The following CXADR variants were observed in gnomAD, a reference collection of about 807,000 sequenced individuals.
CXADR encodes the protein coxsackievirus and adenovirus receptor.
A neutral mutation model predicts 40.3 loss-of-function variants in CXADR; 20 were observed. That is an observed-to-expected ratio of 0.50 (90% CI 0.35 to 0.72). The LOEUF is 0.72. Ranked by LOEUF, CXADR falls within the 30% of genes least tolerant of loss-of-function variation. CXADR has a pLI of 0.01. For synonymous variants in CXADR, 150 were observed against 161.3 expected (o/e 0.93, Z 0.53); for missense variants, 332 against 449.1 (o/e 0.74, Z 2.36).
intron 7 of CXADR, among the ~76,000 whole-genome samples, chr21:17,578,428 C>G (rs1460712173): frequency 1.3e-5 from 2 of 151,990 alleles, no homozygotes; most frequent in African/African-American, 4.8e-5. Context: ...AAGTCAGCGC[C>G]CTGGGGCACG....
chr21:17,633,716 C>T, the CXADR span, among the ~76,000 whole-genome samples: 1 of 152,324 alleles, frequency 6.6e-6, no homozygotes, highest in East Asian at 1.9e-4. Flanking sequence ...CCATCTCTCT[C>T]AGAGCCCAGA....
chr21:17,534,972 A>G (rs1361021819), intron 1 of CXADR, among the ~76,000 whole-genome samples: 1 of 151,714 alleles, frequency 6.6e-6, no homozygotes, highest in Admixed American at 6.6e-5. Context: ...TTTAGTAGAG[A>G]TGGGGTTTCA....
the CXADR span, chr21:17,609,100 T>A: frequency 1.9e-6 from 3 of 1,613,712 alleles, no homozygotes; most frequent in African/African-American, 2.7e-5. Context: ...GTTTTCGAAC[T>A]AGCCTTGTGA....
the CXADR span, among the ~76,000 whole-genome samples, chr21:17,599,349 T>A: frequency 2.6e-5 from 4 of 152,098 alleles, no homozygotes; most frequent in African/African-American, 9.7e-5. Context: ...CTCAGCTAAT[T>A]TATATACATT....
chr21:17,607,446 A>C, the CXADR span, among the ~76,000 whole-genome samples: 3 of 152,360 alleles, frequency 2.0e-5, no homozygotes, highest in South Asian at 6.2e-4. Flanking sequence ...AGCCTGTGTT[A>C]GCGTGCACAT....
exon 8 of CXADR, chr21:17,593,362 T>A: frequency 1.8e-6 from 1 of 552,408 alleles, no homozygotes; most frequent in Non-Finnish European, 2.8e-6. Context: ...AGATGTCATG[T>A]CAAAATTAGT....
intron 3 of CXADR, among the ~76,000 whole-genome samples, chr21:17,555,248 A>G (rs1186487407): frequency 6.6e-6 from 1 of 152,172 alleles, no homozygotes; most frequent in East Asian, 1.9e-4. Context: ...CTGGACATAT[A>G]TGGTATACTC....
At chr21:17,581,188 T>C (rs1009980087) in intron 7 of CXADR, among the ~76,000 whole-genome samples, 12 of 152,228 alleles carry the variant, frequency 7.9e-5, no homozygotes, top group African/African-American at 2.7e-4. Context: ...CTATAACGTA[T>C]ATAATCAGTT....
Position 17,568,570 on chromosome 21 carries a change from T to A in CXADR, c.*2878T>A. On this transcript the variant is annotated 3_prime_UTR_variant, in exon 7 of 7. Transcript: ENST00000284878. ...TATAGTTCTGTACTTTTTTTTTTTT[T>A]TTTTAAGAGATAGGGTTTCACTATT... 1.0e-6 allele frequency: 1 copy of A among 979,748 alleles called. No individual in the cohort carries two copies. Among genetic ancestry groups the A allele is most frequent in the Non-Finnish European group, 1.2e-6 (1 of 825,316 alleles). The allele number at this position is 979,748 out of a possible 1,614,324, so 60.7% of individuals were successfully genotyped here.
chr21:17,546,522 G>A (rs1447533923), intron 1 of CXADR, among the ~76,000 whole-genome samples: 1 of 152,192 alleles, frequency 6.6e-6, no homozygotes, highest in Admixed American at 6.5e-5. Context: ...AGCAGAGAAG[G>A]GGGAGGTGCT....
At chr21:17,556,493 G>A (rs549425034) in intron 3 of CXADR, among the ~76,000 whole-genome samples, 33 of 152,274 alleles carry the variant, frequency 2.2e-4, no homozygotes, top group Middle Eastern at 3.4e-3. Context: ...AAGGATGAGC[G>A]TTAGAGTTAG....
chr21:17,609,031 A>C, the CXADR span: 1 of 1,613,788 alleles, frequency 6.2e-7, no homozygotes, highest in Non-Finnish European at 8.5e-7. Flanking sequence ...ATTTTTCTTG[A>C]AGTATTAGGG....
Position 17,569,964 on chromosome 21 carries a change from T to C in CXADR, c.*4272T>C. On this transcript the variant is annotated 3_prime_UTR_variant, in exon 7 of 7. Coordinates refer to ENST00000284878, the MANE Select transcript of CXADR (RefSeq NM_001338.5). ...TAGAACTGACAGTGTCAGTTTCAGA[T>C]TTTGTATGTACGATTTCTGGCTTAT... The C allele has an allele frequency of 1.0e-6, 1 of 985,440 alleles. No homozygotes were observed. Among genetic ancestry groups the C allele is most frequent in the Non-Finnish European group, 1.2e-6 (1 of 829,928 alleles). 61.0% of individuals were successfully genotyped at this position (985,440 alleles called of 1,614,324 possible). A position where few individuals can be genotyped will look rare whatever the true frequency, so the allele number is the denominator to read the frequency against.
chr21:17,527,043 A>C (rs2060606270), intron 1 of CXADR: 1 of 152,184 alleles, frequency 6.6e-6, no homozygotes, highest in Admixed American at 6.5e-5. Flanking sequence ...CCCTATTTGC[A>C]TTTATTTTGC....
intron 6 of CXADR, among the ~76,000 whole-genome samples, chr21:17,563,454 AAC>A (rs1230177015): frequency 6.6e-6 from 1 of 152,036 alleles, no homozygotes; most frequent in Admixed American, 6.6e-5. Context: ...GGATGGCCAG[AAC>A]ACACACAACA....
Position 17,590,846 on chromosome 21 carries a change from T to C in CXADR, c.1018-2306T>C, listed in dbSNP as rs536029845. Among the ~76,000 whole-genome samples, 43 of 152,182 alleles carry C rather than the reference T, an allele frequency of 2.8e-4. No individual in the cohort carries two copies. In the South Asian group the frequency reaches 6.4e-3, roughly 23 times the overall value. Reference sequence around the variant, plus strand: ...CATTGGTACAGTTTGCTTTGTCATCTCAGTCTTCACTCTACTGGGTTGTAC... The same window carrying C: ...CATTGGTACAGTTTGCTTTGTCATCCCAGTCTTCACTCTACTGGGTTGTAC... On this transcript the variant is annotated intron_variant, in intron 7 of 7. Transcript: ENST00000400169.
At position 17,566,115 on chromosome 21, in the gene CXADR, C is replaced by A. The variant is rs572461506; in HGVS notation, c.*423C>A. On this transcript the variant is annotated 3_prime_UTR_variant, in exon 7 of 7. Coordinates refer to ENST00000284878, the MANE Select transcript of CXADR (RefSeq NM_001338.5). ...GGATGTGTATTTCATTTATTTATGGCCCACCAGTCTCCCCCAAATTAGTAC... is the reference window on the plus strand; with the variant it reads ...GGATGTGTATTTCATTTATTTATGGACCACCAGTCTCCCCCAAATTAGTAC... 1.4e-4 allele frequency: 133 copies of A among 982,644 alleles called. No individual in the cohort carries two copies. Among genetic ancestry groups the A allele is most frequent in the Non-Finnish European group, 1.5e-4 (128 of 827,254 alleles). 60.9% of individuals were successfully genotyped at this position (982,644 alleles called of 1,614,324 possible).
At chr21:17,586,740 T>G (rs149966905) in intron 7 of CXADR, among the ~76,000 whole-genome samples, 98 of 152,284 alleles carry the variant, frequency 6.4e-4, no homozygotes, top group African/African-American at 2.2e-3. Flanking sequence ...TTTTTAAAAT[T>G]TTTTATTATT....
chr21:17,516,314 C>G (rs913744756), intron 1 of CXADR, among the ~76,000 whole-genome samples: 7 of 152,198 alleles, frequency 4.6e-5, no homozygotes, highest in African/African-American at 9.6e-5. Flanking sequence ...CAGCCACTTT[C>G]TCTTACTACC....
Sources: gnomAD v4.1 joint callset for allele counts (sites outside exome capture counted in the v4.1 genomes callset) on GRCh38, gnomAD v4.1.1 for gene constraint, MANE v1.5 for transcripts, NCBI Gene and HGNC (gene_info 2026-07-23, HGNC 2026-07-21) for gene names.